ARHGAP26: variants seen among roughly 807,000 people sequenced by gnomAD.
ARHGAP26 encodes the protein Rho GTPase activating protein 26.
In ARHGAP26, 38 loss-of-function variants were observed where a neutral mutation model predicts 104.8. That is an observed-to-expected ratio of 0.36 (90% CI 0.28 to 0.48). ARHGAP26 has a LOEUF of 0.48. ARHGAP26 is among the 20% of genes least tolerant of loss of function. The probability of loss-of-function intolerance (pLI) is 0.99; values close to 1 mark genes in which losing one functional copy is unlikely to be tolerated. For synonymous variants in ARHGAP26, 341 were observed against 340.0 expected, an observed-to-expected ratio of 1.00 and a Z score of -0.03; for missense variants, 704 against 947.9, an observed-to-expected ratio of 0.74 and a Z score of 3.38.
intron 11 of ARHGAP26, among the ~76,000 whole-genome samples, chr5:142,942,597 C>T (rs1210244835): frequency 4.6e-5 from 7 of 152,024 alleles, no homozygotes; most frequent in Non-Finnish European, 1.0e-4. Context: ...TTTTTTGTTC[C>T]CACTCTCTAA....
At chr5:143,185,477 C>T (rs1219853305) in intron 20 of ARHGAP26, among the ~76,000 whole-genome samples, 2 of 152,018 alleles carry the variant, frequency 1.3e-5, no homozygotes, top group East Asian at 1.9e-4. Flanking sequence ...TTACCAAAAA[C>T]GAAGTAGAAA....
chr5:143,115,519 C>A (rs1795332415), intron 17 of ARHGAP26, among the ~76,000 whole-genome samples: 1 of 151,182 alleles, frequency 6.6e-6, no homozygotes, highest in East Asian at 2.0e-4. Context: ...CCTCTTGCCC[C>A]AAGCAGAAGC....
intron 17 of ARHGAP26, among the ~76,000 whole-genome samples, chr5:143,085,083 C>T (rs931452390): frequency 6.6e-6 from 1 of 150,872 alleles, no homozygotes; most frequent in South Asian, 2.1e-4. Flanking sequence ...GCTTTCTGCA[C>T]GGGTAGAGTT....
intron 1 of ARHGAP26, among the ~76,000 whole-genome samples, chr5:142,796,126 G>A (rs1026504597): frequency 6.6e-6 from 1 of 151,154 alleles, no homozygotes; most frequent in Non-Finnish European, 1.5e-5. Context: ...ACTCCACAAG[G>A]GCAAAGATGT....
intron 20 of ARHGAP26, chr5:143,165,955 G>T: frequency 1.8e-6 from 2 of 1,139,710 alleles, no homozygotes; most frequent in Non-Finnish European, 2.3e-6. Context: ...ACTTTGCATG[G>T]CTTCTGGCTC....
chr5:142,997,218 A>G (rs147247259), intron 11 of ARHGAP26, among the ~76,000 whole-genome samples: 1 of 152,172 alleles, frequency 6.6e-6, no homozygotes, highest in East Asian at 1.9e-4. Flanking sequence ...GAATTCATCT[A>G]CTCACCAAAA....
At chr5:142,876,735 C>T (rs895956519) in intron 3 of ARHGAP26, among the ~76,000 whole-genome samples, 1 of 132,752 alleles carries the variant, frequency 7.5e-6, no homozygotes, top group Non-Finnish European at 1.5e-5. Context: ...TGTGATTGAA[C>T]CATTGCACTC....
intron 1 of ARHGAP26, among the ~76,000 whole-genome samples, chr5:142,788,283 G>A (rs1214676644): frequency 6.6e-6 from 1 of 152,050 alleles, no homozygotes; most frequent in African/African-American, 2.4e-5. Flanking sequence ...TTACAGGCAC[G>A]AGACACCGCG....
chr5:142,810,645 G>T (rs1364057383), intron 1 of ARHGAP26, among the ~76,000 whole-genome samples: 1 of 152,188 alleles, frequency 6.6e-6, no homozygotes, highest in East Asian at 1.9e-4. Flanking sequence ...AACTTAGGAA[G>T]TTCCAGGAAA....
At chr5:143,168,304 C>G (rs1449874719) in intron 20 of ARHGAP26, among the ~76,000 whole-genome samples, 1 of 152,134 alleles carries the variant, frequency 6.6e-6, no homozygotes, top group Non-Finnish European at 1.5e-5. Flanking sequence ...ATGTTGTCTT[C>G]CCATTCCAGA....
intron 11 of ARHGAP26, among the ~76,000 whole-genome samples, chr5:142,944,687 C>CT (rs1227200790): frequency 1.3e-5 from 2 of 152,066 alleles, no homozygotes; most frequent in Admixed American, 1.3e-4. Flanking sequence ...TCTATTTATC[C>CT]TTTTTTATAC....
intron 20 of ARHGAP26, among the ~76,000 whole-genome samples, chr5:143,205,130 G>A (rs531483718): frequency 1.3e-5 from 2 of 152,206 alleles, no homozygotes; most frequent in South Asian, 4.2e-4. Flanking sequence ...CAGAGTCAAG[G>A]GGGAGCCAGG....
At chr5:143,171,966 T>G (rs911546227) in intron 20 of ARHGAP26, among the ~76,000 whole-genome samples, 5 of 152,204 alleles carry the variant, frequency 3.3e-5, no homozygotes, top group African/African-American at 1.2e-4. Context: ...AATTGTCCCC[T>G]TAAGGGTTAG....
chr5:143,193,802 G>A (rs1166849384), intron 20 of ARHGAP26: 1 of 152,120 alleles, frequency 6.6e-6, no homozygotes, highest in Non-Finnish European at 1.5e-5. Context: ...TTTTATCATT[G>A]TAGTTGTTCA....
At chr5:143,049,547 T>G (rs928270904) in intron 14 of ARHGAP26, among the ~76,000 whole-genome samples, 2 of 152,214 alleles carry the variant, frequency 1.3e-5, no homozygotes, top group African/African-American at 4.8e-5. Flanking sequence ...TCTGAATTAT[T>G]TTTCAGAGTG....
intron 17 of ARHGAP26, among the ~76,000 whole-genome samples, chr5:143,061,286 G>A (rs1786667130): frequency 6.6e-6 from 1 of 152,158 alleles, no homozygotes. Context: ...GAGGAAATAA[G>A]AGTAGATGAG....
chr5:143,009,401 C>G (rs1171140319), intron 11 of ARHGAP26, among the ~76,000 whole-genome samples: 1 of 152,084 alleles, frequency 6.6e-6, no homozygotes, highest in African/African-American at 2.4e-5. Context: ...CGTGGGAGTT[C>G]CTGTCTGGAC....
At chr5:142,912,062 A>T (rs1224270855) in intron 9 of ARHGAP26, among the ~76,000 whole-genome samples, 3 of 152,216 alleles carry the variant, frequency 2.0e-5, no homozygotes, top group Non-Finnish European at 4.4e-5. Context: ...CTGTTAGTTT[A>T]GATAAAAAAG....
At chr5:142,985,726 A>C (rs1186045738) in intron 11 of ARHGAP26, among the ~76,000 whole-genome samples, 2 of 140,096 alleles carry the variant, frequency 1.4e-5, no homozygotes, top group Non-Finnish European at 3.0e-5. Flanking sequence ...CTCATTGTTC[A>C]ATTCCCACCT....
Sources: allele counts gnomAD v4.1 joint callset (sites outside exome capture counted in the v4.1 genomes callset), GRCh38; gene constraint gnomAD v4.1.1; transcripts MANE v1.5; gene names NCBI Gene and HGNC (gene_info 2026-07-23, HGNC 2026-07-21).